COL6A6: variants seen among roughly 807,000 people sequenced by gnomAD.
The protein encoded by COL6A6 is collagen alpha-6(VI) chain.
A neutral mutation model predicts 208.6 loss-of-function variants in COL6A6; 183 were observed. The ratio of observed to expected loss-of-function variants is 0.88; its 90% CI spans 0.78 to 0.99. The LOEUF (loss-of-function observed/expected upper bound fraction) is 0.99, where lower values mean the gene tolerates loss of function less well. Among genes scored for constraint, COL6A6 ranks in the 50% least tolerant of loss-of-function variants. COL6A6 has a pLI of 0.00. For synonymous variants in COL6A6, 973 were observed against 1,011.8 expected (o/e 0.96, Z 0.73); for missense variants, 2,816 against 2,815.2 (o/e 1.00, Z -0.01).
intron 32 of COL6A6, among the ~76,000 whole-genome samples, chr3:130,645,443 A>G (rs1300880704): frequency 6.6e-6 from 1 of 151,940 alleles, no homozygotes; most frequent in African/African-American, 2.4e-5. Context: ...ATGCTTGACT[A>G]ATTTTTGTAT....
intron 25 of COL6A6, 103 bp from the exon 26 acceptor site, chr3:130,627,216 T>C (rs1576356856): frequency 1.9e-6 from 2 of 1,072,202 alleles, no homozygotes; most frequent in East Asian, 4.8e-5. Context: ...GTGTCCTGCT[T>C]TTCCTTTATC....
intron 1 of COL6A6, among the ~76,000 whole-genome samples, chr3:130,544,611 A>C (rs114982874): frequency 0.023 from 3,568 of 152,168 alleles, 130 homozygotes; most frequent in East Asian, 0.073. Flanking sequence ...GGGCAACTCC[A>C]TACTGTTTTC....
chr3:130,661,902 G>A lies in COL6A6; in HGVS notation c.6096G>A (p.Glu2032=). Residue 2032 remains glutamate, a synonymous_variant, in exon 35 of 37, where the codon GAG becomes GAA. Transcript: ENST00000358511. ...CTCAGAAGAGTCCAGTTAGAGCTGA[G>A]TTCAATCTTACCACCTACAGAAGTA... is the stretch of plus-strand genomic sequence containing the variant. The part of the protein sequence containing the change: ...PNTQKSPVRA[E]FNLTTYRSKR... The A allele has an allele frequency of 6.2e-7, 1 of 1,613,980 alleles. No homozygotes were observed.
At chr3:130,539,489 C>T (rs2062304945) in intron 1 of COL6A6, among the ~76,000 whole-genome samples, 1 of 152,152 alleles carries the variant, frequency 6.6e-6, no homozygotes. Context: ...CAAAAATTAG[C>T]CGGGTGTGGT....
At chr3:130,650,696 CGTATGAAAAA>C (rs2065616718) in intron 33 of COL6A6, among the ~76,000 whole-genome samples, 1 of 152,042 alleles carries the variant, frequency 6.6e-6, no homozygotes, top group African/African-American at 2.4e-5. Flanking sequence ...TGTCTTCAAG[CGTATGAAAAA>C]GTATTACTGG....
intron 6 of COL6A6, among the ~76,000 whole-genome samples, chr3:130,570,561 A>C (rs1361786052): frequency 1.3e-5 from 2 of 152,104 alleles, no homozygotes; most frequent in African/African-American, 2.4e-5. Context: ...TGTGATTGTC[A>C]CTTGACCTCG....
In COL6A6 at chr3:130,605,867, A is replaced by G. The variant is rs183995102; in HGVS notation, c.4654-1064A>G. On this transcript the variant is annotated intron_variant, in intron 20 of 36. Transcript: ENST00000358511. ...GGCAGGCAAGACAGAATGAGAGCCA[A>G]GTGAAAGGGGAAACCCCTTATAAAA... is the stretch of plus-strand genomic sequence containing the variant. Among the ~76,000 whole-genome samples, 39 of 152,324 alleles carry G rather than the reference A, an allele frequency of 2.6e-4. No homozygotes were observed. The East Asian group carries it at 7.5e-3, about 29-fold the overall frequency.
At chr3:130,560,971 C>A (rs570930667) in intron 2 of COL6A6, among the ~76,000 whole-genome samples, 2 of 152,240 alleles carry the variant, frequency 1.3e-5, no homozygotes, top group African/African-American at 4.8e-5. Context: ...TTGTCCAGAG[C>A]AACTTACATT....
intron 1 of COL6A6, among the ~76,000 whole-genome samples, chr3:130,550,234 T>A (rs767489784): frequency 6.6e-6 from 1 of 152,236 alleles, no homozygotes; most frequent in African/African-American, 2.4e-5. Flanking sequence ...TTTCTAGTTA[T>A]AGAATCATAT....
chr3:130,561,793 C>T (rs928084377), intron 2 of COL6A6, among the ~76,000 whole-genome samples: 5 of 151,408 alleles, frequency 3.3e-5, no homozygotes, highest in African/African-American at 1.2e-4. Flanking sequence ...GCTGGGACTA[C>T]AGGCGCCCGC....
At position 130,649,433 on chromosome 3, in the gene COL6A6, A is replaced by G. The variant is rs752413101; in HGVS notation, c.5604A>G (p.Thr1868=). 33 of 1,613,000 alleles carry G rather than the reference A, an allele frequency of 2.0e-5. 1 individual carries two copies. In the South Asian group the frequency reaches 3.6e-4, roughly 18 times the overall value. Residue 1868 remains threonine, a synonymous_variant, in exon 33 of 37, where the codon ACA becomes ACG. Coordinates refer to ENST00000358511, the MANE Select transcript of COL6A6 (RefSeq NM_001102608.3). ...GGGCACACACGAGAAAAATCGCCAC[A>G]TTTTTCAGCAGCGGTCAGTCCGCGG... The part of the protein sequence containing the change: ...LPGAHTRKIA[T]FFSSGQSADA...
intron 19 of COL6A6, among the ~76,000 whole-genome samples, chr3:130,598,937 T>TA (rs948536331): frequency 1.9e-4 from 29 of 152,348 alleles, no homozygotes; most frequent in African/African-American, 6.3e-4. Flanking sequence ...AATAGTTGTC[T>TA]AAAAAATGCG....
In COL6A6 at chr3:130,628,107, A is replaced by C. The variant is rs1453230432; in HGVS notation, c.4992+738A>C. On this transcript the variant is annotated intron_variant, in intron 26 of 36. Coordinates refer to ENST00000358511, the MANE Select transcript of COL6A6 (RefSeq NM_001102608.3). The stretch of plus-strand genomic sequence containing the variant: ...GAAGGATGAACATAATTCCAAGTGA[A>C]ATCCCAACGGGAATAATGCAAGAGG... Among the ~76,000 whole-genome samples, 3 of 152,234 alleles carry C rather than the reference A, an allele frequency of 2.0e-5. No individual in the cohort carries two copies. The East Asian group carries it at 5.8e-4, about 29-fold the overall frequency.
At chr3:130,670,306 A>G (rs1026249368) in intron 36 of COL6A6, among the ~76,000 whole-genome samples, 1 of 152,202 alleles carries the variant, frequency 6.6e-6, no homozygotes, top group Admixed American at 6.5e-5. Context: ...GCTGGTGTTA[A>G]AGCAGTGTTT....
At position 130,589,271 on chromosome 3, in the gene COL6A6, C is replaced by T. The variant is rs932984065; in HGVS notation, c.4218+89C>T. The T allele has an allele frequency of 2.0e-5, 16 of 816,298 alleles. No homozygotes were observed. In the African/African-American group the frequency reaches 2.4e-4, roughly 12 times the overall value. 50.6% of individuals were successfully genotyped at this position (816,298 alleles called of 1,614,324 possible). On this transcript the variant is annotated intron_variant, in intron 12 of 36. Coordinates refer to ENST00000358511, the MANE Select transcript of COL6A6 (RefSeq NM_001102608.3). ...AGTAGAAATAAGGGGTGATTTTTAA[C>T]TTCTAAATAGAGCCTCTTATATAAG...
At position 130,622,182 on chromosome 3, in the gene COL6A6, CT is replaced by C. The variant is rs374361799; in HGVS notation, c.4878+301del. Among the ~76,000 whole-genome samples the C allele has an allele frequency of 3.9e-4, 59 of 150,236 alleles. 1 individual carries two copies. The East Asian group carries it at 0.011, about 28-fold the overall frequency. The stretch of plus-strand genomic sequence containing the variant: ...CCTTCCTTTCTCTCTTCCAATCTCT[CT>C]TAATTTCCTCCCCCCGCCTACCCCC... On this transcript the variant is annotated intron_variant, in intron 24 of 36. Transcript: ENST00000358511.
Position 130,560,807 on chromosome 3 carries a change from T to A in COL6A6, c.64+379T>A, listed in dbSNP as rs900016961. The stretch of plus-strand genomic sequence containing the variant: ...GTTTAGTGTCCAGATTTGCTCCAGA[T>A]TAAATTATTTGGCTGCTTATTGTGA... On this transcript the variant is annotated intron_variant, in intron 2 of 36. Transcript: ENST00000358511. 2.6e-5 allele frequency among the ~76,000 whole-genome samples: 4 copies of A among 152,364 alleles called. No individual in the cohort carries two copies. In the South Asian group the frequency reaches 8.3e-4, roughly 32 times the overall value.
At chr3:130,545,124 A>G (rs116278534) in intron 1 of COL6A6, among the ~76,000 whole-genome samples, 2,653 of 152,270 alleles carry the variant, frequency 0.017, 95 homozygotes, top group African/African-American at 0.06. Context: ...CTTTTCTCCT[A>G]TCTTTTCTTC....
intron 8 of COL6A6, among the ~76,000 whole-genome samples, chr3:130,580,392 T>A (rs997270572): frequency 1.1e-4 from 17 of 152,232 alleles, no homozygotes; most frequent in Admixed American, 2.6e-4. Context: ...GAAAATTGAT[T>A]ATCAAATAAA....
Sources: allele counts gnomAD v4.1 joint callset (sites outside exome capture counted in the v4.1 genomes callset), GRCh38; gene constraint gnomAD v4.1.1; transcripts MANE v1.5; gene names NCBI Gene and HGNC (gene_info 2026-07-23, HGNC 2026-07-21).